The following NF1 variants were observed in gnomAD, a reference collection of about 807,000 sequenced individuals.
NF1 encodes neurofibromin 1.
NF1 carries 122 observed loss-of-function variants against 325.7 expected under a neutral mutation model. That is an observed-to-expected ratio of 0.37 (90% CI 0.32 to 0.44). NF1 has a LOEUF of 0.44. NF1 is among the 20% of genes least tolerant of loss of function. The probability of loss-of-function intolerance (pLI) is 1.00; values close to 1 mark genes in which losing one functional copy is unlikely to be tolerated. For synonymous variants in NF1, 1,091 were observed against 1,186.0 expected (o/e 0.92, Z 1.65); for missense variants, 2,140 against 3,415.4 (o/e 0.63, Z 9.31).
In NF1 at chr17:31,357,266, C is replaced by T. The variant is rs1597866792; in HGVS notation, c.7870-3C>T. 6.2e-7 allele frequency: 1 copy of T among 1,613,262 alleles called. No homozygotes were observed. The highest frequency in any genetic ancestry group is 1.1e-5 in the South Asian group (1 of 91,062). On this transcript the variant is annotated splice_region_variant and splice_polypyrimidine_tract_variant and intron_variant, in intron 53 of 57. Transcript: ENST00000358273. ...GTGTGTTTACTTTTTTGCATCTTGG[C>T]AGGCTACACTGGTAAAATATACCAC...
Position 31,169,934 on chromosome 17 carries a change from C to T in NF1, c.523C>T (p.His175Tyr), listed in dbSNP as rs2143707358. Residue 175 changes from histidine (H) to tyrosine (Y), a missense_variant, in exon 5 of 58, where the codon CAT becomes TAT. Transcript: ENST00000358273. ...TTGTTCAGAAGACAATGTTGATGTT[C>T]ATGATATAGAATTGTTACAGTATAT... is the stretch of plus-strand genomic sequence containing the variant. ...TVCSEDNVDV[H>Y]DIELLQYINV... The T allele has an allele frequency of 6.4e-7, 1 of 1,571,278 alleles. No homozygotes were observed. Among genetic ancestry groups the T allele is most frequent in the Non-Finnish European group, 8.7e-7 (1 of 1,151,254 alleles).
chr17:31,372,358 T>C (rs2070658700), intron 57 of NF1, among the ~76,000 whole-genome samples: 1 of 152,204 alleles, frequency 6.6e-6, no homozygotes, highest in Non-Finnish European at 1.5e-5. Flanking sequence ...TTGATACAAA[T>C]TACTAAAACG....
rs190694957 is a variant in NF1 at position 31,144,927 on chromosome 17, A to G, written c.61-11056A>G. 8.5e-5 allele frequency among the ~76,000 whole-genome samples: 13 copies of G among 152,344 alleles called. No homozygotes were observed. The East Asian group carries it at 2.5e-3, about 29-fold the overall frequency. On this transcript the variant is annotated intron_variant, in intron 1 of 57. Transcript: ENST00000358273. ...GCATGTGGGATGAGAGATACTTGAC[A>G]GTTGGAAAATATAATCCGTGACATC...
chr17:31,107,497 T>A (rs1356156450), intron 1 of NF1, among the ~76,000 whole-genome samples: 1 of 152,020 alleles, frequency 6.6e-6, no homozygotes, highest in Non-Finnish European at 1.5e-5. Flanking sequence ...ATTCCTGGAC[T>A]CAAGCGATCT....
chr17:31,122,422 T>G (rs559932330), intron 1 of NF1, among the ~76,000 whole-genome samples: 10 of 152,336 alleles, frequency 6.6e-5, no homozygotes, highest in Admixed American at 3.9e-4. Flanking sequence ...AAATGGGCTT[T>G]GATCCCAAAA....
At chr17:31,188,745 T>C (rs887983801) in intron 8 of NF1, among the ~76,000 whole-genome samples, 14 of 149,916 alleles carry the variant, frequency 9.3e-5, no homozygotes, top group East Asian at 3.9e-4. Flanking sequence ...GCTGCCAGTG[T>C]GGCTAGAATA....
At chr17:31,103,813 TA>T (rs919911272) in intron 1 of NF1, among the ~76,000 whole-genome samples, 16 of 149,700 alleles carry the variant, frequency 1.1e-4, no homozygotes, top group Middle Eastern at 3.4e-3. Context: ...CTACAAAAAG[TA>T]AAAAAAACAA....
chr17:31,221,415 A>G (rs1024685273), intron 14 of NF1, among the ~76,000 whole-genome samples: 9 of 152,140 alleles, frequency 5.9e-5, no homozygotes, highest in Non-Finnish European at 1.3e-4. Flanking sequence ...ACTTTGTGGC[A>G]AGTGAGACAG....
chr17:31,282,368 C>T (rs1445639906), intron 36 of NF1, among the ~76,000 whole-genome samples: 7 of 136,408 alleles, frequency 5.1e-5, no homozygotes, highest in South Asian at 2.3e-4. Flanking sequence ...GGTGACAGAG[C>T]GAGATTCCAT....
intron 20 of NF1, among the ~76,000 whole-genome samples, chr17:31,227,930 C>G (rs1343535839): frequency 2.6e-5 from 4 of 152,192 alleles, no homozygotes; most frequent in Non-Finnish European, 5.9e-5. Context: ...TTCCTGTCAT[C>G]ACAGAAATAC....
intron 1 of NF1, among the ~76,000 whole-genome samples, chr17:31,132,538 T>A (rs1257001914): frequency 6.6e-6 from 1 of 151,976 alleles, no homozygotes; most frequent in Non-Finnish European, 1.5e-5. Context: ...AGACTTCATC[T>A]CAAAAAAATA....
chr17:31,195,706 CT>C (rs71142033), intron 8 of NF1, among the ~76,000 whole-genome samples: 83,368 of 150,552 alleles, frequency 0.55, 25,957 homozygotes, highest in Middle Eastern at 0.76. Flanking sequence ...GGATTTCATT[CT>C]TTTTTTTTTA....
At chr17:31,314,481 A>T (rs895675331) in intron 36 of NF1, 1 of 152,942 alleles carries the variant, frequency 6.5e-6, no homozygotes, top group Admixed American at 6.5e-5. Context: ...GGAATATTTT[A>T]TTGGGTTATT....
intron 36 of NF1, chr17:31,296,466 G>T: frequency 1.2e-6 from 1 of 843,390 alleles, no homozygotes; most frequent in Non-Finnish European, 2.0e-6. Flanking sequence ...AATTGTTCCA[G>T]TGATTAAACT....
At chr17:31,357,417 G>A in intron 54 of NF1, 48 bp downstream of exon 54, 3 of 1,425,570 alleles carry the variant, frequency 2.1e-6, no homozygotes, top group Non-Finnish European at 3.0e-6. Flanking sequence ...CTGTCTTTAA[G>A]TTAAATGCTT....
chr17:31,268,091 G>A (rs1396382672), intron 36 of NF1, among the ~76,000 whole-genome samples: 2 of 152,096 alleles, frequency 1.3e-5, no homozygotes, highest in African/African-American at 2.4e-5. Flanking sequence ...ACTGTCTCTC[G>A]GTTTTGTGTT....
intron 36 of NF1, chr17:31,305,307 T>G (rs1567885016): frequency 1.2e-6 from 2 of 1,614,152 alleles, no homozygotes; most frequent in South Asian, 1.1e-5. Flanking sequence ...TGTAGGCAAG[T>G]GGTTGTCCAG....
At chr17:31,224,491 G>C (rs891004208) in intron 16 of NF1, among the ~76,000 whole-genome samples, 11 of 152,072 alleles carry the variant, frequency 7.2e-5, no homozygotes, top group African/African-American at 2.7e-4. Context: ...TGACTTATTT[G>C]ATATGTTAAT....
At chr17:31,233,323 C>T in intron 27 of NF1, 110 bp downstream of exon 27, 1 of 1,117,600 alleles carries the variant, frequency 8.9e-7, no homozygotes, top group Non-Finnish European at 1.3e-6. Flanking sequence ...ATTTCAGAGC[C>T]AGAAGAAAGA....
Sources: gnomAD v4.1 joint callset for allele counts (sites outside exome capture counted in the v4.1 genomes callset) on GRCh38, gnomAD v4.1.1 for gene constraint, MANE v1.5 for transcripts, NCBI Gene and HGNC (gene_info 2026-07-23, HGNC 2026-07-21) for gene names.